SPIDR: variants seen among roughly 807,000 people sequenced by gnomAD.
The protein encoded by SPIDR is scaffold protein involved in DNA repair.
SPIDR carries 93 observed loss-of-function variants against 104.6 expected under a neutral mutation model. The ratio of observed to expected loss-of-function variants is 0.89; its 90% CI spans 0.75 to 1.06. SPIDR has a LOEUF of 1.06. Among genes scored for constraint, SPIDR ranks in the 50% least tolerant of loss-of-function variants. The pLI, the probability that SPIDR is intolerant of heterozygous loss-of-function variation, is 0.00. For synonymous variants in SPIDR, 431 were observed against 416.9 expected (o/e 1.03, Z -0.41); for missense variants, 1,154 against 1,111.2 (o/e 1.04, Z -0.55).
chr8:47,716,528 A>G (rs1306140265), intron 16 of SPIDR, among the ~76,000 whole-genome samples: 1 of 152,114 alleles, frequency 6.6e-6, no homozygotes, highest in Admixed American at 6.5e-5. Flanking sequence ...CATCTGTAAA[A>G]TAGGGCTAAC....
At chr8:47,488,045 C>A (rs2077996922) in intron 8 of SPIDR, among the ~76,000 whole-genome samples, 1 of 152,072 alleles carries the variant, frequency 6.6e-6, no homozygotes, top group Non-Finnish European at 1.5e-5. Context: ...AAAAACCCTT[C>A]AAAAAATCAA....
chr8:47,362,973 A>G (rs546124948), intron 5 of SPIDR, among the ~76,000 whole-genome samples: 4 of 152,058 alleles, frequency 2.6e-5, no homozygotes, highest in Admixed American at 1.3e-4. Context: ...TTTCTGGCCA[A>G]CATCGCCCAT....
chr8:47,444,654 T>A (rs1418106200), intron 8 of SPIDR, among the ~76,000 whole-genome samples: 3 of 152,234 alleles, frequency 2.0e-5, no homozygotes, highest in Non-Finnish European at 4.4e-5. Context: ...TCATTATACC[T>A]CCCTTCTGAT....
intron 7 of SPIDR, among the ~76,000 whole-genome samples, chr8:47,425,112 A>G (rs139928118): frequency 8.8e-4 from 134 of 152,276 alleles, no homozygotes; most frequent in Admixed American, 1.4e-3. Context: ...GTGTTTTTCA[A>G]TCATCCAGAT....
At chr8:47,719,353 A>C (rs1233599444) in intron 16 of SPIDR, among the ~76,000 whole-genome samples, 16 of 152,076 alleles carry the variant, frequency 1.1e-4, no homozygotes, top group Non-Finnish European at 2.4e-4. Flanking sequence ...CTAAAAATAC[A>C]AAAAAATTAG....
intron 10 of SPIDR, among the ~76,000 whole-genome samples, chr8:47,614,294 T>C (rs2063980537): frequency 6.6e-6 from 1 of 152,094 alleles, no homozygotes; most frequent in African/African-American, 2.4e-5. Context: ...TGATCTCAGC[T>C]CACTGCAACC....
At chr8:47,548,135 G>A (rs866771107) in intron 8 of SPIDR, among the ~76,000 whole-genome samples, 22 of 151,970 alleles carry the variant, frequency 1.4e-4, no homozygotes, top group African/African-American at 5.3e-4. Context: ...GTTTGGAAAT[G>A]TTTCTGTCAT....
chr8:47,383,285 A>G (rs1047138877), intron 5 of SPIDR, among the ~76,000 whole-genome samples: 10 of 152,152 alleles, frequency 6.6e-5, no homozygotes, highest in Non-Finnish European at 1.5e-4. Context: ...ATCTGTTTCA[A>G]TTAATACCAT....
At chr8:47,405,250 T>C (rs2062564107) in intron 6 of SPIDR, among the ~76,000 whole-genome samples, 1 of 151,890 alleles carries the variant, frequency 6.6e-6, no homozygotes, top group Non-Finnish European at 1.5e-5. Context: ...AAATACCTAA[T>C]GTAGATGACG....
At chr8:47,341,181 C>G (rs781833208) in intron 5 of SPIDR, among the ~76,000 whole-genome samples, 10 of 152,184 alleles carry the variant, frequency 6.6e-5, no homozygotes, top group Non-Finnish European at 1.3e-4. Flanking sequence ...TTGCAGTACA[C>G]TCAGTTGGCA....
chr8:47,290,780 A>G (rs1180488335), intron 3 of SPIDR, among the ~76,000 whole-genome samples: 1 of 152,146 alleles, frequency 6.6e-6, no homozygotes, highest in African/African-American at 2.4e-5. Context: ...TTTGTGCTCT[A>G]GTCACTTTCC....
At chr8:47,488,199 T>G (rs754171423) in intron 8 of SPIDR, among the ~76,000 whole-genome samples, 21 of 152,140 alleles carry the variant, frequency 1.4e-4, no homozygotes, top group Non-Finnish European at 2.6e-4. Context: ...AAATGCAAAC[T>G]ACCATCAGAG....
chr8:47,511,937 TATCA>T (rs2082394549), intron 8 of SPIDR: 1 of 794,048 alleles, frequency 1.3e-6, no homozygotes, highest in Admixed American at 1.7e-5. Flanking sequence ...GTCACTCTAT[TATCA>T]CTAGGGGCTG....
chr8:47,473,440 C>G (rs1490795454), intron 8 of SPIDR, among the ~76,000 whole-genome samples: 1 of 152,164 alleles, frequency 6.6e-6, no homozygotes, highest in African/African-American at 2.4e-5. Flanking sequence ...CATTGTGTCT[C>G]CCCGCTTTGT....
intron 6 of SPIDR, among the ~76,000 whole-genome samples, chr8:47,397,936 G>T (rs1271735737): frequency 6.6e-6 from 1 of 152,134 alleles, no homozygotes. Flanking sequence ...GAAGAGGTAG[G>T]GAAGGAAGGT....
At chr8:47,366,601 C>T (rs1473714742) in intron 5 of SPIDR, among the ~76,000 whole-genome samples, 2 of 152,180 alleles carry the variant, frequency 1.3e-5, no homozygotes, top group African/African-American at 4.8e-5. Flanking sequence ...TTAAAGATAA[C>T]ATAGAGTAAA....
chr8:47,429,386 C>A (rs954940128), intron 7 of SPIDR, among the ~76,000 whole-genome samples: 1 of 152,168 alleles, frequency 6.6e-6, no homozygotes, highest in Non-Finnish European at 1.5e-5. Context: ...GCACAGCACG[C>A]AATATCTCCA....
intron 5 of SPIDR, among the ~76,000 whole-genome samples, chr8:47,307,785 C>T (rs1340870241): frequency 2.6e-5 from 4 of 152,008 alleles, no homozygotes; most frequent in East Asian, 2.0e-4. Flanking sequence ...GTGATCTTCC[C>T]GCCTTGGCCT....
chr8:47,367,433 A>G (rs1388144474), intron 5 of SPIDR, among the ~76,000 whole-genome samples: 1 of 152,220 alleles, frequency 6.6e-6, no homozygotes, highest in Non-Finnish European at 1.5e-5. Flanking sequence ...CAGTTAAAAC[A>G]TGGCCAGACT....
Sources: allele counts gnomAD v4.1 joint callset (sites outside exome capture counted in the v4.1 genomes callset), GRCh38; gene constraint gnomAD v4.1.1; transcripts MANE v1.5; gene names NCBI Gene and HGNC (gene_info 2026-07-23, HGNC 2026-07-21).